PGLYRP2: variants seen among roughly 807,000 people sequenced by gnomAD.
The protein encoded by PGLYRP2 is N-acetylmuramoyl-L-alanine amidase.
In PGLYRP2, 38 loss-of-function variants were observed where a neutral mutation model predicts 46.2. That is an observed-to-expected ratio of 0.82 (90% CI 0.64 to 1.08). PGLYRP2 has a LOEUF of 1.08. PGLYRP2 is among the 50% of genes least tolerant of loss of function. The pLI is 0.00. For synonymous variants in PGLYRP2, 289 were observed against 329.4 expected (o/e 0.88, Z 1.33); for missense variants, 713 against 755.9 (o/e 0.94, Z 0.67).
At chr19:15,472,395 G>A (rs1441196078) in intron 2 of PGLYRP2, among the ~76,000 whole-genome samples, 1 of 152,160 alleles carries the variant, frequency 6.6e-6, no homozygotes, top group Admixed American at 6.5e-5. Context: ...TTTGAGACCA[G>A]CCTGGCCAAC....
At chr19:15,472,159 C>T (rs984852402) in intron 2 of PGLYRP2, 59 bp from the exon 3 acceptor site, 5 of 1,435,136 alleles carry the variant, frequency 3.5e-6, no homozygotes, top group African/African-American at 2.8e-5. Flanking sequence ...TGTTCCTCCA[C>T]CCGCATTAAA....
At chr19:15,473,138 A>G (rs1412384925) in intron 2 of PGLYRP2, among the ~76,000 whole-genome samples, 1 of 152,168 alleles carries the variant, frequency 6.6e-6, no homozygotes, top group African/African-American at 2.4e-5. Flanking sequence ...CCATATGCAG[A>G]AGAATGAAAC....
In PGLYRP2 at chr19:15,472,094, G is replaced by A. The variant is rs1970755918; in HGVS notation, c.1139C>T (p.Pro380Leu). 6.2e-7 allele frequency: 1 copy of A among 1,600,750 alleles called. No homozygotes were observed. Among genetic ancestry groups the A allele is most frequent in the Middle Eastern group, 1.9e-4 (1 of 5,388 alleles). ...CCAGCGGCAGCGGGGGTGGATGGCC[G>A]GGCATCCTACAGGCAAGGGGGTTGA... is the stretch of plus-strand genomic sequence containing the variant. Reference protein sequence around the residue: ...KEFTEAFLGCPAIHPRCRWGA... With the variant: ...KEFTEAFLGCLAIHPRCRWGA... The change falls in exon 3 of 5, where the codon CCG (proline) becomes CTG (leucine). Residue 380 changes from proline to leucine, a missense_variant. Coordinates refer to ENST00000340880, the MANE Select transcript of PGLYRP2 (RefSeq NM_052890.4).
chr19:15,470,934 G>A (rs1461152557), intron 3 of PGLYRP2, among the ~76,000 whole-genome samples: 2 of 151,764 alleles, frequency 1.3e-5, no homozygotes, highest in Non-Finnish European at 2.9e-5. Flanking sequence ...GTTAGCCACC[G>A]CTCCCGGCCT....
Position 15,476,515 on chromosome 19 carries a change from G to A in PGLYRP2, c.155C>T (p.Ala52Val), listed in dbSNP as rs1311877162. ...PAAKTRHTAS[A>V]WLMSAPNSGP... ...AGAGTTTGGAGCTGACATCAGCCAC[G>A]CAGAAGCTGTGTGTCTGGTCTTGGC... The change falls in exon 2 of 5, where the codon GCG becomes GTG. Residue 52 changes from alanine to valine, a missense_variant. Physicochemically the swap from Ala to Val is moderately conservative, Grantham distance 64. Coordinates refer to ENST00000340880, the MANE Select transcript of PGLYRP2 (RefSeq NM_052890.4). 1.1e-5 allele frequency: 17 copies of A among 1,614,016 alleles called. No homozygotes were observed. Among genetic ancestry groups the A allele is most frequent in the African/African-American group, 5.3e-5 (4 of 74,930 alleles).
chr19:15,472,162 G>A (rs10413421), intron 2 of PGLYRP2, 62 bp from the exon 3 acceptor site: 6 of 1,352,406 alleles, frequency 4.4e-6, no homozygotes, highest in African/African-American at 2.9e-5. Context: ...TCCTCCACCC[G>A]CATTAAAGCG....
chr19:15,472,193 G>T (rs1970757066), intron 2 of PGLYRP2, 93 bp from the exon 3 acceptor site: 1 of 1,085,572 alleles, frequency 9.2e-7, no homozygotes, highest in Non-Finnish European at 1.3e-6. Context: ...CCATCCCTCA[G>T]CCTCCTCTCA....
At chr19:15,471,843 A>C in intron 3 of PGLYRP2, 47 bp downstream of exon 3, 5 of 1,589,184 alleles carry the variant, frequency 3.1e-6, no homozygotes, top group East Asian at 2.2e-5. Flanking sequence ...CTCAGACCCC[A>C]TCCCCGAACG....
intron 3 of PGLYRP2, among the ~76,000 whole-genome samples, chr19:15,470,801 C>T (rs1046952115): frequency 6.6e-6 from 1 of 151,046 alleles, no homozygotes; most frequent in African/African-American, 2.4e-5. Flanking sequence ...TGCACCACCA[C>T]GCCCGGCTAA....
chr19:15,478,630 G>GTTT (rs1165681147), intron 1 of PGLYRP2, among the ~76,000 whole-genome samples: 5 of 128,208 alleles, frequency 3.9e-5, no homozygotes, highest in Admixed American at 8.0e-5. Context: ...ATTTGCCTTT[G>GTTT]TTTTTTTTTT....
chr19:15,476,730 C>G, intron 1 of PGLYRP2, 122 bp from the exon 2 acceptor site: 1 of 811,206 alleles, frequency 1.2e-6, no homozygotes, highest in Non-Finnish European at 1.9e-6. Flanking sequence ...CCAACACTAT[C>G]CTTGTGTAGA....
rs750056494 is a variant in PGLYRP2, at chr19:15,475,604, T to C, written c.1066A>G (p.Met356Val). ...LEPVHLQLQC[M>V]SQEQLAQVAA... ...ACCTGGGCCAGCTGTTCTTGGCTCA[T>C]GCACTGAAGCTGGAGGTGTACTGGC... The change falls in exon 2 of 5, where the codon ATG (methionine) becomes GTG (valine). Residue 356 changes from methionine (M) to valine (V), a missense_variant. By Grantham distance (21) the Met-to-Val change is conservative (BLOSUM62 1). Coordinates refer to ENST00000340880, the MANE Select transcript of PGLYRP2 (RefSeq NM_052890.4). 6.2e-7 allele frequency: 1 copy of C among 1,614,052 alleles called. No homozygotes were observed.
In PGLYRP2 at chr19:15,469,466, C is replaced by T. The variant is rs976163305; in HGVS notation, c.1641+166G>A. The T allele has an allele frequency of 2.0e-6, 2 of 978,582 alleles. No individual in the cohort carries two copies. Among genetic ancestry groups the T allele is most frequent in the African/African-American group, 3.2e-5 (2 of 62,262 alleles). The allele number at this position is 978,582 out of a possible 1,614,324, so 60.6% of individuals were successfully genotyped here. On this transcript the variant is annotated intron_variant, in intron 4 of 4. Transcript: ENST00000340880. The surrounding 1 kb of genome is among the most constrained non-coding windows in gnomAD (Gnocchi z 4.9). ...TCAGGGATGTTGCCCGCAGAGTGAC[C>T]CGCAAAGGCTGGGCCTAGGTTTCCT...
chr19:15,476,554 T>G lies in PGLYRP2; in HGVS notation c.116A>C (p.Gln39Pro). The G allele has an allele frequency of 6.2e-7, 1 of 1,613,260 alleles. No individual in the cohort carries two copies. Among genetic ancestry groups the G allele is most frequent in the Non-Finnish European group, 8.5e-7 (1 of 1,179,674 alleles). The change falls in exon 2 of 5, where the codon CAG becomes CCG. Residue 39 changes from glutamine (Q) to proline (P), a missense_variant. Physicochemically the swap from Gln to Pro is moderately conservative, Grantham distance 76. Coordinates refer to ENST00000340880, the MANE Select transcript of PGLYRP2 (RefSeq NM_052890.4). The part of the protein sequence containing the change: ...SVIQALAELE[Q>P]KVPAAKTRHT... ...TCTGGTCTTGGCAGCTGGCACTTTC[T>G]GCTCCAGCTCAGCCAGGGCCTGGAT...
At chr19:15,474,736 C>G (rs1301120013) in intron 2 of PGLYRP2, among the ~76,000 whole-genome samples, 1 of 152,106 alleles carries the variant, frequency 6.6e-6, no homozygotes, top group African/African-American at 2.4e-5. Context: ...CGCCCGTAAT[C>G]CTAGCACTTT....
In PGLYRP2 at chr19:15,476,081, G is replaced by A. The variant is rs1970792727; in HGVS notation, c.589C>T (p.Pro197Ser). The A allele has an allele frequency of 6.2e-7, 1 of 1,614,174 alleles. No homozygotes were observed. ...ANTPDATKGC[P>S]DVQASLPDAK... ...TCTGGCAAGGAAGCTTGGACATCTG[G>A]ACAGCCTTTTGTAGCATCTGGAGTG... Residue 197 changes from proline (P) to serine (S), a missense_variant, in exon 2 of 5, where the codon CCA becomes TCA. Pro to Ser is a moderately conservative substitution (Grantham distance 74, BLOSUM62 -1). Transcript: ENST00000340880.
chr19:15,473,114 G>C (rs1970764407), intron 2 of PGLYRP2, among the ~76,000 whole-genome samples: 1 of 152,066 alleles, frequency 6.6e-6, no homozygotes, highest in South Asian at 2.1e-4. Flanking sequence ...AATGGTGCTG[G>C]GACAACTGGC....
At chr19:15,470,193 C>G (rs1199896676) in intron 3 of PGLYRP2, among the ~76,000 whole-genome samples, 1 of 152,066 alleles carries the variant, frequency 6.6e-6, no homozygotes, top group Non-Finnish European at 1.5e-5. Context: ...TTCTCAAGCC[C>G]AGTTCTTGCC....
At chr19:15,470,602 CA>C (rs2145514518) in intron 3 of PGLYRP2, among the ~76,000 whole-genome samples, 1 of 150,928 alleles carries the variant, frequency 6.6e-6, no homozygotes, top group African/African-American at 2.4e-5. Context: ...CCACTGTGCC[CA>C]GCCTTCTCCC....
Sources: allele counts gnomAD v4.1 joint callset (sites outside exome capture counted in the v4.1 genomes callset), GRCh38; gene constraint gnomAD v4.1.1; non-coding constraint Gnocchi (gnomAD v3.1); transcripts MANE v1.5; gene names NCBI Gene and HGNC (gene_info 2026-07-23, HGNC 2026-07-21).